Variants in PEBP4 observed in about 807,000 individuals in gnomAD.
PEBP4 encodes the protein phosphatidylethanolamine binding protein 4, also known as phosphatidylethanolamine-binding protein 4.
PEBP4 carries 22 observed loss-of-function variants against 23.9 expected under a neutral mutation model. That is an observed-to-expected ratio of 0.92 (90% confidence interval 0.66 to 1.31). PEBP4 has a LOEUF of 1.31. Ranked by LOEUF, PEBP4 falls within the 40% of genes most tolerant of loss-of-function variation. The probability of loss-of-function intolerance (pLI) is 0.00; values close to 1 mark genes in which losing one functional copy is unlikely to be tolerated. For missense variants in PEBP4, 324 were observed against 281.7 expected, an observed-to-expected ratio of 1.15 and a Z score of -1.07; for synonymous variants, 112 against 99.3, an observed-to-expected ratio of 1.13 and a Z score of -0.76.
chr8:22,831,784 A>G, intron 3 of PEBP4, among the ~76,000 whole-genome samples: 1 of 152,174 alleles, frequency 6.6e-6, no homozygotes, highest in South Asian at 2.1e-4. Flanking sequence ...AGGGAAGGCC[A>G]TGCCTGGCAA....
At chr8:22,853,013 C>T (rs1259475804) in intron 3 of PEBP4, among the ~76,000 whole-genome samples, 1 of 152,172 alleles carries the variant, frequency 6.6e-6, no homozygotes, top group Non-Finnish European at 1.5e-5. Context: ...AAGCGAGCTG[C>T]GAAGCGCTTT....
At chr8:22,936,734 A>G (rs1809545688) in intron 1 of PEBP4, among the ~76,000 whole-genome samples, 1 of 152,244 alleles carries the variant, frequency 6.6e-6, no homozygotes, top group Non-Finnish European at 1.5e-5. Context: ...ATTCAACAGT[A>G]CACCGATAGG....
chr8:22,762,089 G>A (rs1222522785), intron 4 of PEBP4, among the ~76,000 whole-genome samples: 1 of 139,906 alleles, frequency 7.1e-6, no homozygotes, highest in Non-Finnish European at 1.5e-5. Flanking sequence ...TGCTTATTGT[G>A]CCAGAAAAAA....
chr8:22,886,624 C>T (rs1808382141), intron 3 of PEBP4: 1 of 152,270 alleles, frequency 6.6e-6, no homozygotes, highest in Non-Finnish European at 1.5e-5. Flanking sequence ...TGGGGTAAGA[C>T]TGTAGCCCCC....
intron 4 of PEBP4, among the ~76,000 whole-genome samples, chr8:22,749,802 A>ATTTTTTTTTTTTTTTTTTT (rs754912133): frequency 4.8e-4 from 20 of 41,570 alleles, no homozygotes; most frequent in Non-Finnish European, 7.7e-4. Context: ...TCAGTTTGTC[A>ATTTTTTTTTTTTTTTTTTT]TTCTTTTTTT....
At chr8:22,716,817 A>G (rs941864234) in intron 6 of PEBP4, among the ~76,000 whole-genome samples, 40 of 152,196 alleles carry the variant, frequency 2.6e-4, no homozygotes, top group Admixed American at 2.6e-3. Context: ...CTCTTAGATG[A>G]GGTCAGACCC....
At chr8:22,820,626 G>C (rs764284433) in intron 3 of PEBP4, among the ~76,000 whole-genome samples, 3 of 152,208 alleles carry the variant, frequency 2.0e-5, no homozygotes, top group Non-Finnish European at 2.9e-5. Flanking sequence ...CTGCAGAGTT[G>C]TCTTTTGAGC....
intron 4 of PEBP4, among the ~76,000 whole-genome samples, chr8:22,764,401 G>A (rs117650224): frequency 0.017 from 2,554 of 152,242 alleles, 31 homozygotes; most frequent in South Asian, 0.088. Context: ...GGTGTGAGCT[G>A]CTGACCTGTG....
intron 4 of PEBP4, among the ~76,000 whole-genome samples, chr8:22,738,843 A>G (rs528771148): frequency 2.0e-5 from 3 of 152,130 alleles, no homozygotes; most frequent in Non-Finnish European, 2.9e-5. Flanking sequence ...ACATGCACAG[A>G]CACTCACATG....
intron 1 of PEBP4, among the ~76,000 whole-genome samples, chr8:22,939,758 G>A (rs1337888502): frequency 3.9e-5 from 6 of 152,056 alleles, no homozygotes; most frequent in Non-Finnish European, 8.8e-5. Context: ...GTGTCTGTGA[G>A]ATAAACCCAG....
intron 4 of PEBP4, among the ~76,000 whole-genome samples, chr8:22,728,563 C>CTTTCTTTCTTTCTTT (rs1554478841): frequency 1.6e-4 from 11 of 69,302 alleles, no homozygotes; most frequent in South Asian, 9.7e-4. Context: ...TTTCTTTCTT[C>CTTTCTTTCTTTCTTT]CTTCCTTCCT....
At chr8:22,796,039 G>C (rs865779576) in intron 4 of PEBP4, among the ~76,000 whole-genome samples, 11 of 152,196 alleles carry the variant, frequency 7.2e-5, no homozygotes, top group Non-Finnish European at 1.3e-4. Context: ...AATCCCAAAG[G>C]TATGCTCTCC....
At chr8:22,905,092 A>C (rs1282764339) in intron 3 of PEBP4, among the ~76,000 whole-genome samples, 1 of 152,232 alleles carries the variant, frequency 6.6e-6, no homozygotes, top group African/African-American at 2.4e-5. Flanking sequence ...AAGTTGAAGC[A>C]ATTTGTACTT....
chr8:22,773,892 A>G (rs1805765088), intron 4 of PEBP4, among the ~76,000 whole-genome samples: 1 of 152,014 alleles, frequency 6.6e-6, no homozygotes, highest in Non-Finnish European at 1.5e-5. Context: ...CCAGAGGACG[A>G]TGGGAGAGTT....
intron 3 of PEBP4, among the ~76,000 whole-genome samples, chr8:22,914,632 G>T (rs138401543): frequency 6.6e-6 from 1 of 152,118 alleles, no homozygotes; most frequent in Non-Finnish European, 1.5e-5. Context: ...GAGCCTACCC[G>T]CAGGTAAACC....
intron 4 of PEBP4, among the ~76,000 whole-genome samples, chr8:22,751,655 TG>T (rs1805269486): frequency 7.2e-6 from 1 of 139,380 alleles, no homozygotes; most frequent in East Asian, 2.1e-4. Context: ...TGTGTGTGTG[TG>T]TTGTGCGTCT....
At chr8:22,855,108 C>T (rs996330066) in intron 3 of PEBP4, among the ~76,000 whole-genome samples, 1 of 151,934 alleles carries the variant, frequency 6.6e-6, no homozygotes, top group Non-Finnish European at 1.5e-5. Flanking sequence ...CAGGTGTGAA[C>T]AGCATACCAG....
intron 3 of PEBP4, among the ~76,000 whole-genome samples, chr8:22,851,231 G>C (rs1183029562): frequency 6.6e-6 from 1 of 152,180 alleles, no homozygotes; most frequent in African/African-American, 2.4e-5. Flanking sequence ...AGACTCCTGG[G>C]CTTCTGGAAG....
chr8:22,836,662 CA>C (rs1426035590), intron 3 of PEBP4, among the ~76,000 whole-genome samples: 2 of 152,198 alleles, frequency 1.3e-5, no homozygotes, highest in African/African-American at 4.8e-5. Context: ...GTGGCGAGTT[CA>C]AATCCTCATT....
Sources: allele counts gnomAD v4.1 joint callset (sites outside exome capture counted in the v4.1 genomes callset), GRCh38; gene constraint gnomAD v4.1.1; transcripts MANE v1.5; gene names NCBI Gene and HGNC (gene_info 2026-07-23, HGNC 2026-07-21).